Variants in RNLS observed in about 807,000 individuals in gnomAD.
The protein encoded by RNLS is renalase.
A neutral mutation model predicts 39.8 loss-of-function variants in RNLS; 39 were observed. The ratio of observed to expected loss-of-function variants is 0.98; its 90% CI spans 0.76 to 1.28. The LOEUF (loss-of-function observed/expected upper bound fraction) is 1.28, where lower values mean the gene tolerates loss of function less well. Ranked by LOEUF, RNLS falls within the 50% of genes most tolerant of loss-of-function variation. The probability of loss-of-function intolerance (pLI) is 0.00; values close to 1 mark genes in which losing one functional copy is unlikely to be tolerated. For synonymous variants in RNLS, 147 were observed against 150.7 expected, an observed-to-expected ratio of 0.98 and a Z score of 0.18; for missense variants, 410 against 413.3, an observed-to-expected ratio of 0.99 and a Z score of 0.07.
chr10:88,553,705 C>A (rs1190748436), intron 4 of RNLS, among the ~76,000 whole-genome samples: 1 of 152,026 alleles, frequency 6.6e-6, no homozygotes, highest in African/African-American at 2.4e-5. Flanking sequence ...AACATTCCGT[C>A]TTTATTAATG....
chr10:88,267,408 T>A, the RNLS span, among the ~76,000 whole-genome samples: 33 of 152,216 alleles, frequency 2.2e-4, no homozygotes, highest in African/African-American at 6.7e-4. Context: ...AGACCCCCTC[T>A]TCACCAAAGG....
chr10:88,210,137 T>C, the RNLS span, among the ~76,000 whole-genome samples: 7,726 of 152,310 alleles, frequency 0.051, 281 homozygotes, highest in South Asian at 0.13. Flanking sequence ...AAATTCCCTG[T>C]CATTACTTTA....
intron 4 of RNLS, among the ~76,000 whole-genome samples, chr10:88,403,160 A>G (rs1391700829): frequency 1.3e-5 from 2 of 152,042 alleles, no homozygotes; most frequent in Non-Finnish European, 2.9e-5. Context: ...AAAGATTACA[A>G]GGGGAAAAAT....
intron 4 of RNLS, among the ~76,000 whole-genome samples, chr10:88,506,536 T>C (rs1361382655): frequency 6.6e-6 from 1 of 151,152 alleles, no homozygotes; most frequent in East Asian, 1.9e-4. Context: ...ATAAAACAAA[T>C]GAGCAAAAAT....
chr10:88,377,746 C>T (rs903787670), intron 4 of RNLS, among the ~76,000 whole-genome samples: 17 of 152,162 alleles, frequency 1.1e-4, no homozygotes, highest in Admixed American at 4.6e-4. Flanking sequence ...TAGGACATTG[C>T]TGTAATCTTC....
At chr10:88,235,150 C>T in the RNLS span, among the ~76,000 whole-genome samples, 1 of 151,482 alleles carries the variant, frequency 6.6e-6, no homozygotes, top group African/African-American at 2.4e-5. Context: ...TGCCTGTAGT[C>T]CCAGCTACTA....
chr10:88,401,300 C>T (rs1852900313), intron 4 of RNLS, among the ~76,000 whole-genome samples: 1 of 151,860 alleles, frequency 6.6e-6, no homozygotes, highest in Non-Finnish European at 1.5e-5. Flanking sequence ...GTAAATTAAC[C>T]ATAATAAATA....
intron 5 of RNLS, among the ~76,000 whole-genome samples, chr10:88,328,792 G>C (rs1363939384): frequency 6.6e-6 from 1 of 151,978 alleles, no homozygotes; most frequent in African/African-American, 2.4e-5. Context: ...GTTAATGTTT[G>C]TTTTTATTCA....
intron 4 of RNLS, among the ~76,000 whole-genome samples, chr10:88,379,459 C>T (rs1699303375): frequency 6.6e-6 from 1 of 152,016 alleles, no homozygotes; most frequent in Non-Finnish European, 1.5e-5. Context: ...TTCTGTCACT[C>T]CTCTGGCTCT....
chr10:88,387,502 CAAAAAAAAAA>C (rs5786817), intron 4 of RNLS, among the ~76,000 whole-genome samples: 2 of 70,114 alleles, frequency 2.9e-5, no homozygotes, highest in African/African-American at 6.2e-5. Flanking sequence ...GAGAACAGAG[CAAAAAAAAAA>C]AAAAAAAAAA....
chr10:88,265,270 T>C, the RNLS span, among the ~76,000 whole-genome samples: 1 of 151,832 alleles, frequency 6.6e-6, no homozygotes, highest in Non-Finnish European at 1.5e-5. Flanking sequence ...GGCAATGTGA[T>C]GCCTCCAGAT....
rs139631054 is a variant in RNLS at position 88,452,332 on chromosome 10, T to C, written c.527-89607A>G. 2.5e-3 allele frequency among the ~76,000 whole-genome samples: 386 copies of C among 152,280 alleles called. 3 individuals are homozygous for C. The highest frequency in any genetic ancestry group is 7.3e-3 in the South Asian group (35 of 4,822). Reference sequence around the variant, plus strand: ...GTGCCTAGTACACTTTGAAGGCACATTGAAGGTACACATAAATGGGATCCA... The same window carrying C: ...GTGCCTAGTACACTTTGAAGGCACACTGAAGGTACACATAAATGGGATCCA... On this transcript the variant is annotated intron_variant, in intron 4 of 6. Transcript: ENST00000331772.
chr10:88,572,258 CAT>C (rs3217430), intron 4 of RNLS, among the ~76,000 whole-genome samples: 53,992 of 151,910 alleles, frequency 0.36, 10,276 homozygotes, highest in African/African-American at 0.48. Context: ...TTCCCCACCA[CAT>C]GTTTTATATC....
chr10:88,334,691 G>A (rs11202722), intron 5 of RNLS, among the ~76,000 whole-genome samples: 21,375 of 152,108 alleles, frequency 0.14, 1,662 homozygotes, highest in East Asian at 0.33. Context: ...CTGAATTTAT[G>A]GATATTGTCT....
chr10:88,527,331 T>C (rs1330732610), intron 4 of RNLS, among the ~76,000 whole-genome samples: 1 of 152,102 alleles, frequency 6.6e-6, no homozygotes, highest in East Asian at 1.9e-4. Context: ...ATATTAACAT[T>C]TGGGAGCAGG....
chr10:88,395,135 T>C (rs1589721599), intron 4 of RNLS, among the ~76,000 whole-genome samples: 2 of 151,144 alleles, frequency 1.3e-5, no homozygotes, highest in South Asian at 4.2e-4. Flanking sequence ...ATGGCACATG[T>C]ATACATATGT....
At chr10:88,334,593 G>A (rs892409761) in intron 5 of RNLS, among the ~76,000 whole-genome samples, 2 of 152,086 alleles carry the variant, frequency 1.3e-5, no homozygotes, top group African/African-American at 2.4e-5. Flanking sequence ...AATGTAGATG[G>A]GAGGAAAGTG....
intron 4 of RNLS, among the ~76,000 whole-genome samples, chr10:88,524,525 A>G (rs1045787560): frequency 6.6e-6 from 1 of 152,118 alleles, no homozygotes; most frequent in Admixed American, 6.6e-5. Context: ...TAACTCTGTT[A>G]TCTATATTTC....
chr10:88,251,868 A>G, the RNLS span, among the ~76,000 whole-genome samples: 1 of 152,196 alleles, frequency 6.6e-6, no homozygotes, highest in African/African-American at 2.4e-5. Flanking sequence ...GGTCCAGGAG[A>G]CATCTAAATG....
Sources: allele counts gnomAD v4.1 joint callset (sites outside exome capture counted in the v4.1 genomes callset), GRCh38; gene constraint gnomAD v4.1.1; transcripts MANE v1.5; gene names NCBI Gene and HGNC (gene_info 2026-07-23, HGNC 2026-07-21).